BCL11B: variants seen among roughly 807,000 people sequenced by gnomAD.
BCL11B encodes BCL11 transcription factor B, also known as B-cell lymphoma/leukemia 11B.
BCL11B carries 8 observed loss-of-function variants against 49.9 expected under a neutral mutation model. The observed-to-expected ratio is 0.16, with a 90% CI of 0.09 to 0.29. BCL11B has a LOEUF of 0.29. Among genes scored for constraint, BCL11B ranks in the 10% least tolerant of loss-of-function variants. The pLI, the probability that BCL11B is intolerant of heterozygous loss-of-function variation, is 1.00. For synonymous variants in BCL11B, 739 were observed against 637.4 expected, an observed-to-expected ratio of 1.16 and a Z score of -2.40; for missense variants, 1,006 against 1,351.0, an observed-to-expected ratio of 0.74 and a Z score of 4.00.
chr14:99,189,884 G>T (rs1886971562), intron 3 of BCL11B, among the ~76,000 whole-genome samples: 1 of 152,210 alleles, frequency 6.6e-6, no homozygotes. Context: ...CTAGGGAATT[G>T]AAGCCTAGAG....
At chr14:99,181,659 C>T (rs1405052619) in intron 3 of BCL11B, among the ~76,000 whole-genome samples, 1 of 152,210 alleles carries the variant, frequency 6.6e-6, no homozygotes, top group Non-Finnish European at 1.5e-5. Flanking sequence ...CAGGCCTTGA[C>T]CCTGGAGAGG....
rs1887741375 is a variant in BCL11B, at chr14:99,213,367, T to C, written c.640+17978A>G. On this transcript the variant is annotated intron_variant, in intron 3 of 3. Coordinates refer to ENST00000357195, the MANE Select transcript of BCL11B (RefSeq NM_138576.4). The surrounding 1 kb of genome is among the most constrained non-coding windows in gnomAD (Gnocchi z 5.1). ...CTGCCACCCAGAATGCCCGGCACGT[T>C]ATTCAGCAATGAGGTATAATTGAAT... 1.3e-5 allele frequency among the ~76,000 whole-genome samples: 2 copies of C among 152,218 alleles called. No individual in the cohort carries two copies. Among genetic ancestry groups the C allele is most frequent in the Admixed American group, 6.5e-5 (1 of 15,288 alleles).
At chr14:99,250,022 G>A (rs1351420653) in intron 2 of BCL11B, among the ~76,000 whole-genome samples, 2 of 147,830 alleles carry the variant, frequency 1.4e-5, no homozygotes, top group Non-Finnish European at 3.0e-5. Flanking sequence ...AGGAGGCTGA[G>A]ACAGGAGAAT....
chr14:99,173,360 T>C lies in BCL11B; in HGVS notation c.*791A>G, dbSNP rs532421313. 3.2e-5 allele frequency: 7 copies of C among 221,030 alleles called. No individual in the cohort carries two copies. The highest frequency in any genetic ancestry group is 1.4e-3 in the Middle Eastern group (1 of 732). The allele number at this position is 221,030 out of a possible 1,614,324, so 13.7% of individuals were successfully genotyped here. A position where few individuals can be genotyped will look rare whatever the true frequency, so the allele number is the denominator to read the frequency against. On this transcript the variant is annotated 3_prime_UTR_variant, in exon 4 of 4. Coordinates refer to ENST00000357195, the MANE Select transcript of BCL11B (RefSeq NM_138576.4). ...CCTATCTCTGGCGGCGCTGAGTCTG[T>C]GGGGTGCCTCCCCCAGCACCACCAC...
rs1886271870 is a variant in BCL11B, at chr14:99,170,993, A to T, written c.*3158T>A. ...ACAGGAGTGATGGTAGAGAAGGAAG[A>T]TGTTCTCTCGCTCTCTCTCCTCTAC... is the stretch of plus-strand genomic sequence containing the variant. On this transcript the variant is annotated 3_prime_UTR_variant, in exon 4 of 4. Transcript: ENST00000357195. 1 of 232,376 alleles carries T rather than the reference A, an allele frequency of 4.3e-6. No individual in the cohort carries two copies. Among genetic ancestry groups the T allele is most frequent in the Non-Finnish European group, 8.5e-6 (1 of 117,510 alleles). 14.4% of individuals were successfully genotyped at this position (232,376 alleles called of 1,614,324 possible). A position where few individuals can be genotyped will look rare whatever the true frequency, so the allele number is the denominator to read the frequency against.
rs900923513 is a variant in BCL11B at position 99,192,747 on chromosome 14, T to C, written c.641-16552A>G. Among the ~76,000 whole-genome samples the C allele has an allele frequency of 1.3e-5, 2 of 152,180 alleles. No individual in the cohort carries two copies. The highest frequency in any genetic ancestry group is 4.8e-5 in the African/African-American group (2 of 41,438). ...TCAACTCTGAGCTCCAAGTTCCTTATCCATAAATGCGAGTGACACCTGTAT... is the reference window on the plus strand; with the variant it reads ...TCAACTCTGAGCTCCAAGTTCCTTACCCATAAATGCGAGTGACACCTGTAT... On this transcript the variant is annotated intron_variant, in intron 3 of 3. Coordinates refer to ENST00000357195, the MANE Select transcript of BCL11B (RefSeq NM_138576.4). This position sits in a 1 kb window ranked among gnomAD's most constrained non-coding sequence, Gnocchi z 4.0.
At position 99,171,062 on chromosome 14, in the gene BCL11B, T is replaced by C. The variant is rs771786358; in HGVS notation, c.*3089A>G. On this transcript the variant is annotated 3_prime_UTR_variant, in exon 4 of 4. Coordinates refer to ENST00000357195, the MANE Select transcript of BCL11B (RefSeq NM_138576.4). Reference sequence around the variant, plus strand: ...GGCCTCTTAGAGAAAGGGAGGACGATGTGGAATGTTACTGACATCTTTACA... The same window carrying C: ...GGCCTCTTAGAGAAAGGGAGGACGACGTGGAATGTTACTGACATCTTTACA... 2.6e-5 allele frequency: 6 copies of C among 230,648 alleles called. No individual in the cohort carries two copies. Among genetic ancestry groups the C allele is most frequent in the Admixed American group, 1.7e-4 (3 of 17,690 alleles). 14.3% of individuals were successfully genotyped at this position (230,648 alleles called of 1,614,324 possible).
chr14:99,214,148 C>T (rs542242803), intron 3 of BCL11B, among the ~76,000 whole-genome samples: 99 of 152,292 alleles, frequency 6.5e-4, no homozygotes, highest in African/African-American at 2.3e-3. Flanking sequence ...CCATCCACGG[C>T]CCTGCCTGTT....
Position 99,170,349 on chromosome 14 carries a change from A to G in BCL11B, c.*3802T>C, listed in dbSNP as rs934753808. ...CTGCATTTGGTAAGGAATTGCCCAAAAGGATGCTTGGTTATACTTTCATAA... is the reference window on the plus strand; with the variant it reads ...CTGCATTTGGTAAGGAATTGCCCAAGAGGATGCTTGGTTATACTTTCATAA... On this transcript the variant is annotated 3_prime_UTR_variant, in exon 4 of 4. Coordinates refer to ENST00000357195, the MANE Select transcript of BCL11B (RefSeq NM_138576.4). The G allele has an allele frequency of 4.5e-6, 1 of 223,052 alleles. No individual in the cohort carries two copies. The highest frequency in any genetic ancestry group is 9.0e-6 in the Non-Finnish European group (1 of 111,556). The allele number at this position is 223,052 out of a possible 1,614,324, so 13.8% of individuals were successfully genotyped here.
intron 3 of BCL11B, among the ~76,000 whole-genome samples, chr14:99,179,728 C>G (rs1019982341): frequency 1.3e-5 from 2 of 152,128 alleles, no homozygotes; most frequent in African/African-American, 4.8e-5. Flanking sequence ...GGATCTGAAG[C>G]CTTCCGATAT....
chr14:99,204,254 G>C (rs1251450085), intron 3 of BCL11B, among the ~76,000 whole-genome samples: 1 of 152,170 alleles, frequency 6.6e-6, no homozygotes, highest in Non-Finnish European at 1.5e-5. Context: ...GGGCCTCTGG[G>C]GAAGTCTGTG....
intron 3 of BCL11B, among the ~76,000 whole-genome samples, chr14:99,208,831 C>T (rs930980558): frequency 1.3e-5 from 2 of 152,182 alleles, no homozygotes; most frequent in South Asian, 2.1e-4. Flanking sequence ...GGGCTGGACA[C>T]GACACTGATA....
chr14:99,239,433 G>A (rs1888599726), intron 2 of BCL11B, among the ~76,000 whole-genome samples: 1 of 152,180 alleles, frequency 6.6e-6, no homozygotes, highest in South Asian at 2.1e-4. Context: ...TTGGGACCCT[G>A]TAGCCCTTTC....
chr14:99,219,615 A>G (rs1422486860), intron 3 of BCL11B, among the ~76,000 whole-genome samples: 3 of 152,086 alleles, frequency 2.0e-5, no homozygotes, highest in Non-Finnish European at 2.9e-5. Context: ...CAGGACACCG[A>G]GTGAGCTCTA....
chr14:99,175,681 G>T lies in BCL11B; in HGVS notation c.1155C>A (p.Gly385=). The T allele has an allele frequency of 5.2e-6, 8 of 1,536,594 alleles. No homozygotes were observed. The highest frequency in any genetic ancestry group is 6.9e-6 in the Non-Finnish European group (8 of 1,154,976). The change falls in exon 4 of 4, where the codon GGC becomes GGA. Residue 385 remains glycine (G), a synonymous_variant. Coordinates refer to ENST00000357195, the MANE Select transcript of BCL11B (RefSeq NM_138576.4). Reference sequence around the variant, plus strand: ...GGTTCAGGAGCCGGTGCATAGGGTTGCCGCGGCCCGGGGACACGGGCGGCG... The same window carrying T: ...GGTTCAGGAGCCGGTGCATAGGGTTTCCGCGGCCCGGGGACACGGGCGGCG... ...STPPPVSPGR[G]NPMHRLLNPF...
Position 99,241,428 on chromosome 14 carries a change from G to A in BCL11B, c.428-9871C>T, listed in dbSNP as rs200554483. Among the ~76,000 whole-genome samples the A allele has an allele frequency of 2.0e-5, 3 of 151,718 alleles. No homozygotes were observed. The highest frequency in any genetic ancestry group is 3.9e-4 in the East Asian group (2 of 5,174). On this transcript the variant is annotated intron_variant, in intron 2 of 3. Transcript: ENST00000357195. This position sits in a 1 kb window ranked among gnomAD's most constrained non-coding sequence, Gnocchi z 4.4. ...TCAGAGGAAGAAAGCAGCAAGCATC[G>A]CTCAGGAGGCCTCAGAGACTAAACA...
rs1156435818 is a variant in BCL11B, at chr14:99,241,231, G to C, written c.428-9674C>G. 6.6e-6 allele frequency among the ~76,000 whole-genome samples: 1 copy of C among 151,942 alleles called. No individual in the cohort carries two copies. ...GCCTCTGTTTGGCTGTAATTACCCA[G>C]GAAGTTCTCTGCCCAGCACCCCATC... On this transcript the variant is annotated intron_variant, in intron 2 of 3. Coordinates refer to ENST00000357195, the MANE Select transcript of BCL11B (RefSeq NM_138576.4). This position sits in a 1 kb window ranked among gnomAD's most constrained non-coding sequence, Gnocchi z 4.4.
chr14:99,220,787 A>C (rs1473427596), intron 3 of BCL11B, among the ~76,000 whole-genome samples: 1 of 152,158 alleles, frequency 6.6e-6, no homozygotes, highest in Non-Finnish European at 1.5e-5. Flanking sequence ...TGTGAGAATC[A>C]CTGGAGATAC....
chr14:99,175,206 GCTCCTCCTC>G lies in BCL11B; in HGVS notation c.1621_1629del (p.Glu541_Glu543del), dbSNP rs761352760. The G allele has an allele frequency of 1.5e-5, 23 of 1,554,124 alleles. No individual in the cohort carries two copies. The highest frequency in any genetic ancestry group is 1.6e-5 in the Non-Finnish European group (18 of 1,151,814). On this transcript the variant is annotated inframe_deletion, in exon 4 of 4. Transcript: ENST00000357195. ...GGCCGGCTCTCGTTCTCCAGTAGCA[GCTCCTCCTC>G]CTCCTCCTCCTCCTCCTCGTCCTCC...
Sources: allele counts gnomAD v4.1 joint callset (sites outside exome capture counted in the v4.1 genomes callset), GRCh38; gene constraint gnomAD v4.1.1; non-coding constraint Gnocchi (gnomAD v3.1); transcripts MANE v1.5; gene names NCBI Gene and HGNC (gene_info 2026-07-23, HGNC 2026-07-21).